The following RAB37 variants were observed in gnomAD, a reference collection of about 807,000 sequenced individuals.
RAB37 encodes RAB37, member RAS oncogene family, also known as ras-related protein Rab-37.
In RAB37, 29 loss-of-function variants were observed where a neutral mutation model predicts 33.1. The observed-to-expected ratio is 0.88, with a 90% CI of 0.65 to 1.20. The LOEUF is 1.20. Among genes scored for constraint, RAB37 ranks in the 50% most tolerant of loss-of-function variants. The pLI is 0.00. For missense variants in RAB37, 299 were observed against 301.1 expected, an observed-to-expected ratio of 0.99 and a Z score of 0.05; for synonymous variants, 128 against 119.5, an observed-to-expected ratio of 1.07 and a Z score of -0.47.
chr17:74,695,680 T>C (rs2032382161), intron 1 of RAB37: 3 of 1,612,712 alleles, frequency 1.9e-6, no homozygotes, highest in Non-Finnish European at 2.5e-6. Context: ...GGCAGGCCTG[T>C]GTCCCCCTGC....
In RAB37 at chr17:74,722,334, A is replaced by T. The variant is rs1455888260; in HGVS notation, c.73-6922A>T. Among the ~76,000 whole-genome samples the T allele has an allele frequency of 2.0e-5, 3 of 152,066 alleles. No individual in the cohort carries two copies. In the East Asian group the frequency reaches 5.8e-4, roughly 29 times the overall value. ...AGAGATTTGTCCGAGAAATTGGCTT[A>T]CATGACTGGGGGCTGGCAAGTCCAA... On this transcript the variant is annotated intron_variant, in intron 1 of 7. Coordinates refer to the RAB37 transcript ENST00000340415.
intron 1 of RAB37, among the ~76,000 whole-genome samples, chr17:74,719,142 C>T (rs993472784): frequency 6.6e-6 from 1 of 152,186 alleles, no homozygotes; most frequent in African/African-American, 2.4e-5. Context: ...CCAGTTAATA[C>T]TTTCTTTAAA....
chr17:74,684,474 G>A (rs1474620104), intron 1 of RAB37, among the ~76,000 whole-genome samples: 7 of 151,456 alleles, frequency 4.6e-5, no homozygotes, highest in Non-Finnish European at 2.9e-5. Flanking sequence ...TGATGCCAGT[G>A]TTTCAAAATA....
chr17:74,730,065 C>T lies in RAB37; in HGVS notation c.183+699C>T, dbSNP rs2034366102. On this transcript the variant is annotated intron_variant, in intron 2 of 7. Transcript: ENST00000340415. The surrounding 1 kb of genome is among the most constrained non-coding windows in gnomAD (Gnocchi z 4.4). ...CCCTCTGCGAGACAAGGGATCCCTC[C>T]TTTACCACACATCCCATCTCCCCGC... 6.6e-6 allele frequency among the ~76,000 whole-genome samples: 1 copy of T among 152,148 alleles called. No homozygotes were observed. The highest frequency in any genetic ancestry group is 1.5e-5 in the Non-Finnish European group (1 of 68,034).
At position 74,743,175 on chromosome 17, in the gene RAB37, C is replaced by A; in HGVS notation, c.293C>A (p.Ala98Asp). The change falls in exon 4 of 9, where the codon GCT becomes GAT. Residue 98 changes from alanine to aspartate, a missense_variant. Transcript: ENST00000392613. ...GAACGGTTCCGAAGCGTCACCCATG[C>A]TTATTACAGAGATGCTCAGGGTGAG... ...GQERFRSVTH[A>D]YYRDAQALLL... The A allele has an allele frequency of 5.6e-6, 9 of 1,613,828 alleles. No individual in the cohort carries two copies. Among genetic ancestry groups the A allele is most frequent in the Non-Finnish European group, 7.6e-6 (9 of 1,179,812 alleles).
At chr17:74,679,421 T>G (rs1388537982) in intron 1 of RAB37, among the ~76,000 whole-genome samples, 1 of 152,128 alleles carries the variant, frequency 6.6e-6, no homozygotes, top group Non-Finnish European at 1.5e-5. Flanking sequence ...TCCTTCCTCC[T>G]TCTCTGGGTC....
rs1241353446 is a variant in RAB37, at chr17:74,744,799, T to G, written c.433-74T>G. Reference sequence around the variant, plus strand: ...CCACCAGCAGAGGGCAGGCAACGCCTGCTTCTGGGGCAAAATATGGGCCCG... The same window carrying G: ...CCACCAGCAGAGGGCAGGCAACGCCGGCTTCTGGGGCAAAATATGGGCCCG... On this transcript the variant is annotated intron_variant, in intron 6 of 8. Coordinates refer to ENST00000392613, the MANE Select transcript of RAB37 (RefSeq NM_001006638.3). This position sits in a 1 kb window ranked among gnomAD's most constrained non-coding sequence, Gnocchi z 4.2. 2 of 1,584,900 alleles carry G rather than the reference T, an allele frequency of 1.3e-6. No individual in the cohort carries two copies. The highest frequency in any genetic ancestry group is 8.7e-7 in the Non-Finnish European group (1 of 1,153,802).
upstream of RAB37, among the ~76,000 whole-genome samples, chr17:74,734,362 G>A (rs759225738): frequency 1.1e-4 from 17 of 152,194 alleles, no homozygotes; most frequent in Non-Finnish European, 2.1e-4. Context: ...TCATCTTAAT[G>A]AGTGATATCT....
chr17:74,672,654 TA>T (rs899643460), intron 1 of RAB37: 3 of 152,216 alleles, frequency 2.0e-5, no homozygotes, highest in Non-Finnish European at 4.4e-5. Context: ...GAGCTGATAC[TA>T]AAAGCCAGAA....
intron 1 of RAB37, among the ~76,000 whole-genome samples, chr17:74,678,702 C>A (rs2031892724): frequency 6.6e-6 from 1 of 152,118 alleles, no homozygotes; most frequent in Non-Finnish European, 1.5e-5. Context: ...CACACACACA[C>A]ACACATGCCT....
Position 74,746,650 on chromosome 17 carries a change from A to G in RAB37, c.*1239A>G, listed in dbSNP as rs1196433356. 6.6e-6 allele frequency: 1 copy of G among 151,950 alleles called. No individual in the cohort carries two copies. The highest frequency in any genetic ancestry group is 1.5e-5 in the Non-Finnish European group (1 of 67,970). 9.4% of individuals were successfully genotyped at this position (151,950 alleles called of 1,614,324 possible). A position where few individuals can be genotyped will look rare whatever the true frequency, so the allele number is the denominator to read the frequency against. ...GGAGAAATCCCTTTCCTAGGTTTGGAATGTGTTGTGAAAAAAAAGAGAAAT... is the reference window on the plus strand; with the variant it reads ...GGAGAAATCCCTTTCCTAGGTTTGGGATGTGTTGTGAAAAAAAAGAGAAAT... On this transcript the variant is annotated 3_prime_UTR_variant, in exon 9 of 9. Coordinates refer to ENST00000392613, the MANE Select transcript of RAB37 (RefSeq NM_001006638.3). The surrounding 1 kb of genome is among the most constrained non-coding windows in gnomAD (Gnocchi z 5.2).
intron 1 of RAB37, among the ~76,000 whole-genome samples, chr17:74,680,619 C>G (rs1567774004): frequency 6.6e-6 from 1 of 152,156 alleles, no homozygotes; most frequent in Non-Finnish European, 1.5e-5. Context: ...GGTCCTCTCC[C>G]CTACCCCTTG....
At chr17:74,728,740 GT>G (rs1167820183) in intron 1 of RAB37, among the ~76,000 whole-genome samples, 5 of 151,552 alleles carry the variant, frequency 3.3e-5, no homozygotes, top group African/African-American at 7.3e-5. Context: ...GTGTACATGT[GT>G]TTTTCTGTGT....
chr17:74,725,049 A>C (rs1184486709), intron 1 of RAB37, among the ~76,000 whole-genome samples: 1 of 152,210 alleles, frequency 6.6e-6, no homozygotes, highest in Non-Finnish European at 1.5e-5. Context: ...AAGCAAGCTC[A>C]AAAAGCTACA....
At chr17:74,726,601 A>T (rs1322427381) in intron 1 of RAB37, among the ~76,000 whole-genome samples, 5 of 152,204 alleles carry the variant, frequency 3.3e-5, no homozygotes, top group African/African-American at 1.2e-4. Context: ...CATAACAAAC[A>T]AATGAGTTCT....
At chr17:74,696,162 G>GTC in intron 1 of RAB37, 1 of 1,586,330 alleles carries the variant, frequency 6.3e-7, no homozygotes, top group South Asian at 1.2e-5. Context: ...AAGCTGCCTG[G>GTC]TCTCTCTGGT....
intron 1 of RAB37, chr17:74,703,009 C>A (rs1485893134): frequency 6.3e-7 from 1 of 1,590,272 alleles, no homozygotes; most frequent in Non-Finnish European, 8.6e-7. Flanking sequence ...GCCAAGTAGG[C>A]CACAGTGGAA....
chr17:74,717,132 T>TTC (rs2034175548), intron 1 of RAB37, among the ~76,000 whole-genome samples: 1 of 152,122 alleles, frequency 6.6e-6, no homozygotes, highest in Non-Finnish European at 1.5e-5. Context: ...CGAAACTCTG[T>TTC]CTCAAAAATA....
At position 74,744,670 on chromosome 17, in the gene RAB37, C is replaced by A; in HGVS notation, c.433-203C>A. 1.5e-6 allele frequency: 1 copy of A among 656,570 alleles called. No homozygotes were observed. Among genetic ancestry groups the A allele is most frequent in the Non-Finnish European group, 2.7e-6 (1 of 374,922 alleles). The allele number at this position is 656,570 out of a possible 1,614,324, so 40.7% of individuals were successfully genotyped here. On this transcript the variant is annotated intron_variant, in intron 6 of 8. Transcript: ENST00000392613. This position sits in a 1 kb window ranked among gnomAD's most constrained non-coding sequence, Gnocchi z 4.2. ...GCAAAGGGTTAGCCCCAACTGCTGT[C>A]CTATTCCAAGACCCTTTACCAAAGG...
Sources: gnomAD v4.1 joint callset for allele counts (sites outside exome capture counted in the v4.1 genomes callset) on GRCh38, gnomAD v4.1.1 for gene constraint, Gnocchi (gnomAD v3.1) non-coding constraint, MANE v1.5 for transcripts, NCBI Gene and HGNC (gene_info 2026-07-23, HGNC 2026-07-21) for gene names.